Variants in FRYL observed in about 807,000 individuals in gnomAD.
The protein encoded by FRYL is protein furry homolog-like.
FRYL carries 150 observed loss-of-function variants against 351.2 expected under a neutral mutation model. The observed-to-expected ratio is 0.43, with a 90% CI of 0.37 to 0.49. FRYL has a LOEUF of 0.49. FRYL is among the 20% of genes least tolerant of loss of function. The pLI is 0.00. For missense variants in FRYL, 3,036 were observed against 3,619.3 expected, an observed-to-expected ratio of 0.84 and a Z score of 4.13; for synonymous variants, 1,153 against 1,257.1, an observed-to-expected ratio of 0.92 and a Z score of 1.75.
Position 48,561,653 on chromosome 4 carries a change from C to T in FRYL, c.3697-17G>A. On this transcript the variant is annotated splice_polypyrimidine_tract_variant and intron_variant, in intron 32 of 63. Transcript: ENST00000358350. ...TTCCAGAATCTATAGGAATGTGATT[C>T]CATCAACTTAGGTTAAGATTTTATG... The T allele has an allele frequency of 1.3e-6, 2 of 1,581,908 alleles. No individual in the cohort carries two copies. Among genetic ancestry groups the T allele is most frequent in the East Asian group, 4.5e-5 (2 of 44,452 alleles).
rs1731671240 is a variant in FRYL, at chr4:48,547,774, A to G, written c.4889-5T>C. 6.8e-7 allele frequency: 1 copy of G among 1,461,726 alleles called. No individual in the cohort carries two copies. The highest frequency in any genetic ancestry group is 9.2e-7 in the Non-Finnish European group (1 of 1,089,480). 90.5% of individuals were successfully genotyped at this position (1,461,726 alleles called of 1,614,324 possible). Reference sequence around the variant, plus strand: ...CAGGGTGGCAGTGGTCAAACCCTAAAAAGGATAGTAGAGAAACATTATCAA... The same window carrying G: ...CAGGGTGGCAGTGGTCAAACCCTAAGAAGGATAGTAGAGAAACATTATCAA... On this transcript the variant is annotated splice_region_variant and splice_polypyrimidine_tract_variant and intron_variant, in intron 40 of 63. Coordinates refer to ENST00000358350, the MANE Select transcript of FRYL (RefSeq NM_015030.2).
At chr4:48,651,613 G>C (rs953351626) in intron 3 of FRYL, among the ~76,000 whole-genome samples, 4 of 151,986 alleles carry the variant, frequency 2.6e-5, no homozygotes, top group African/African-American at 9.7e-5. Context: ...TAAGCTCCTC[G>C]AGAGAAAGGA....
chr4:48,575,923 C>G lies in FRYL; in HGVS notation c.2721+107G>C, dbSNP rs1459427143. 8 of 901,918 alleles carry G rather than the reference C, an allele frequency of 8.9e-6. No individual in the cohort carries two copies. In the Admixed American group the frequency reaches 1.9e-4, roughly 22 times the overall value. 55.9% of individuals were successfully genotyped at this position (901,918 alleles called of 1,614,324 possible). ...TTTTCCTTTTTGCAAGTAAGTAACA[C>G]ATTTTCAACTGAGTTACTTTATTGT... On this transcript the variant is annotated intron_variant, in intron 24 of 63. Coordinates refer to ENST00000358350, the MANE Select transcript of FRYL (RefSeq NM_015030.2).
chr4:48,736,850 G>GAAAAAAA (rs368006420), intron 1 of FRYL, among the ~76,000 whole-genome samples: 117 of 39,206 alleles, frequency 3.0e-3, no homozygotes, highest in African/African-American at 3.6e-3. Flanking sequence ...ACTCTGTCTC[G>GAAAAAAA]AAAAAAAAAA....
In FRYL at chr4:48,557,451, A is replaced by C. The variant is rs1734382748; in HGVS notation, c.4125+2T>G. On this transcript the variant is annotated splice_donor_variant, in intron 34 of 63. Transcript: ENST00000358350. LOFTEE classifies it high-confidence loss of function. ...CAATTATAAATACAAAACTCATTTT[A>C]CCTTTGCTGTCATATACATCAGATT... The C allele has an allele frequency of 1.2e-6, 2 of 1,613,742 alleles. No homozygotes were observed. The highest frequency in any genetic ancestry group is 1.7e-6 in the Non-Finnish European group (2 of 1,179,672).
intron 4 of FRYL, among the ~76,000 whole-genome samples, chr4:48,624,795 G>T (rs975405215): frequency 6.6e-6 from 1 of 152,188 alleles, no homozygotes; most frequent in Admixed American, 6.5e-5. Context: ...GAGTAAAGCA[G>T]ATTGCCTTCC....
At chr4:48,584,876 G>C (rs1230871594) in intron 19 of FRYL, among the ~76,000 whole-genome samples, 1 of 152,204 alleles carries the variant, frequency 6.6e-6, no homozygotes, top group African/African-American at 2.4e-5. Context: ...GATAAGAAGA[G>C]AGGAGAGAAT....
chr4:48,706,464 A>G (rs1391047005), intron 2 of FRYL, among the ~76,000 whole-genome samples: 5 of 152,170 alleles, frequency 3.3e-5, no homozygotes, highest in African/African-American at 1.2e-4. Context: ...GGAAAGTAGA[A>G]TGGTGGTTGT....
intron 3 of FRYL, among the ~76,000 whole-genome samples, chr4:48,652,699 C>T (rs1271008771): frequency 6.6e-6 from 1 of 152,082 alleles, no homozygotes; most frequent in African/African-American, 2.4e-5. Context: ...GTTCTCATGT[C>T]AATATTTTCA....
intron 31 of FRYL, among the ~76,000 whole-genome samples, chr4:48,563,418 C>CAA (rs1410210497): frequency 6.6e-6 from 1 of 151,972 alleles, no homozygotes; most frequent in Non-Finnish European, 1.5e-5. Flanking sequence ...CTCTGTGGAT[C>CAA]AAAAATATGA....
intron 49 of FRYL, among the ~76,000 whole-genome samples, chr4:48,531,835 T>C (rs1425701928): frequency 6.6e-6 from 1 of 152,214 alleles, no homozygotes; most frequent in Admixed American, 6.5e-5. Flanking sequence ...TCTTTTTTTC[T>C]TGATGGCCCA....
chr4:48,575,362 A>G, intron 24 of FRYL, 121 bp from the exon 25 acceptor site: 1 of 1,024,562 alleles, frequency 9.8e-7, no homozygotes, highest in Non-Finnish European at 1.4e-6. Flanking sequence ...ACTATGAATG[A>G]TACCTCAAAT....
At chr4:48,779,097 G>A (rs1579010642) in intron 1 of FRYL, among the ~76,000 whole-genome samples, 1 of 151,926 alleles carries the variant, frequency 6.6e-6, no homozygotes, top group East Asian at 1.9e-4. Context: ...TAGGTGGCGA[G>A]GAACTAAACT....
intron 5 of FRYL, among the ~76,000 whole-genome samples, chr4:48,621,330 A>G (rs965998575): frequency 2.6e-5 from 4 of 152,240 alleles, no homozygotes; most frequent in Non-Finnish European, 4.4e-5. Flanking sequence ...TGTAAGGCTT[A>G]GACTACATAA....
intron 3 of FRYL, chr4:48,637,449 A>G (rs1754462182): frequency 1.3e-5 from 2 of 152,098 alleles, no homozygotes; most frequent in Admixed American, 1.3e-4. Context: ...CTTGCATTAA[A>G]TACCTTATAA....
intron 21 of FRYL, 91 bp from the exon 22 acceptor site, chr4:48,581,042 CT>C: frequency 1.5e-6 from 1 of 657,076 alleles, no homozygotes; most frequent in Non-Finnish European, 2.4e-6. Context: ...CACTTCAGCA[CT>C]ATTTTTTTTT....
In FRYL at chr4:48,547,789, A is replaced by G; in HGVS notation, c.4889-20T>C. The G allele has an allele frequency of 7.2e-7, 1 of 1,384,986 alleles. No individual in the cohort carries two copies. Among genetic ancestry groups the G allele is most frequent in the Non-Finnish European group, 9.6e-7 (1 of 1,046,980 alleles). 85.8% of individuals were successfully genotyped at this position (1,384,986 alleles called of 1,614,324 possible). ...CAAACCCTAAAAAGGATAGTAGAGA[A>G]ACATTATCAATAAAGAGAAATAATG... is the stretch of plus-strand genomic sequence containing the variant. On this transcript the variant is annotated intron_variant, in intron 40 of 63. Coordinates refer to ENST00000358350, the MANE Select transcript of FRYL (RefSeq NM_015030.2).
intron 56 of FRYL, 131 bp from the exon 57 acceptor site, chr4:48,512,819 CA>C (rs1195710806): frequency 1.6e-6 from 1 of 633,368 alleles, no homozygotes; most frequent in Non-Finnish European, 2.8e-6. Context: ...AGAAAATGTA[CA>C]ACAACCTAAA....
chr4:48,631,684 T>A (rs1306382285), intron 4 of FRYL, among the ~76,000 whole-genome samples: 1 of 152,000 alleles, frequency 6.6e-6, no homozygotes, highest in Non-Finnish European at 1.5e-5. Context: ...TCTAGAAGTA[T>A]GTACAAATTA....
Sources: allele counts gnomAD v4.1 joint callset (sites outside exome capture counted in the v4.1 genomes callset), GRCh38; gene constraint gnomAD v4.1.1; transcripts MANE v1.5; gene names NCBI Gene and HGNC (gene_info 2026-07-23, HGNC 2026-07-21).